Variants in CADPS2 observed in about 807,000 individuals in gnomAD.
CADPS2 encodes calcium dependent secretion activator 2.
In CADPS2, 93 loss-of-function variants were observed where a neutral mutation model predicts 172.5. The ratio of observed to expected loss-of-function variants is 0.54; its 90% CI spans 0.46 to 0.64. The LOEUF is 0.64. Among genes scored for constraint, CADPS2 ranks in the 30% least tolerant of loss-of-function variants. The pLI, the probability that CADPS2 is intolerant of heterozygous loss-of-function variation, is 0.00. For missense variants in CADPS2, 1,420 were observed against 1,565.9 expected (o/e 0.91, Z 1.57); for synonymous variants, 546 against 555.2 (o/e 0.98, Z 0.23).
At chr7:122,578,763 A>G (rs1017990353) in intron 7 of CADPS2, among the ~76,000 whole-genome samples, 4 of 152,196 alleles carry the variant, frequency 2.6e-5, no homozygotes, top group South Asian at 2.1e-4. Context: ...TGAAGGTCAA[A>G]TCAGAGAGAA....
chr7:122,327,892 T>C (rs1278908358), intron 28 of CADPS2, among the ~76,000 whole-genome samples: 1 of 151,904 alleles, frequency 6.6e-6, no homozygotes, highest in Admixed American at 6.6e-5. Flanking sequence ...GACAATAAAT[T>C]GTTCTATCAG....
At chr7:122,367,261 G>A (rs550615005) in intron 25 of CADPS2, among the ~76,000 whole-genome samples, 2 of 152,172 alleles carry the variant, frequency 1.3e-5, no homozygotes, top group African/African-American at 4.8e-5. Flanking sequence ...GAGAAATCCA[G>A]GGGAAAATAT....
chr7:122,450,259 G>A lies in CADPS2; in HGVS notation c.2288+1115C>T, dbSNP rs551909793. 2.6e-5 allele frequency among the ~76,000 whole-genome samples: 4 copies of A among 152,056 alleles called. No individual in the cohort carries two copies. The East Asian group carries it at 7.7e-4, about 29-fold the overall frequency. On this transcript the variant is annotated intron_variant, in intron 15 of 29. Coordinates refer to ENST00000449022, the MANE Select transcript of CADPS2 (RefSeq NM_017954.11). ...TATTTTTTAAATAAGTGCAAAATAA[G>A]AGCATATTCACTAAGTTTATTTTTT...
intron 28 of CADPS2, among the ~76,000 whole-genome samples, chr7:122,327,258 A>T (rs1473669940): frequency 6.6e-6 from 1 of 152,066 alleles, no homozygotes; most frequent in African/African-American, 2.4e-5. Context: ...TACAGCTTCA[A>T]CTTCTTGATT....
At chr7:122,466,527 T>C (rs747588321) in intron 14 of CADPS2, among the ~76,000 whole-genome samples, 1 of 152,182 alleles carries the variant, frequency 6.6e-6, no homozygotes, top group South Asian at 2.1e-4. Context: ...GACTCAGTGC[T>C]CTTCCAGTCT....
At chr7:122,768,268 C>T (rs1270181552) in intron 1 of CADPS2, among the ~76,000 whole-genome samples, 3 of 152,110 alleles carry the variant, frequency 2.0e-5, no homozygotes, top group Non-Finnish European at 4.4e-5. Flanking sequence ...CTAATTGCTA[C>T]TTTAGAATGG....
intron 8 of CADPS2, among the ~76,000 whole-genome samples, chr7:122,547,458 A>T (rs2063742547): frequency 6.6e-6 from 1 of 152,184 alleles, no homozygotes; most frequent in South Asian, 2.1e-4. Flanking sequence ...ATATCCAAAC[A>T]ATCAGTCCAC....
chr7:122,619,474 A>T (rs1188350667), intron 5 of CADPS2, among the ~76,000 whole-genome samples: 1 of 151,798 alleles, frequency 6.6e-6, no homozygotes, highest in African/African-American at 2.4e-5. Flanking sequence ...AAAAAAAAAA[A>T]AATTTAGCCA....
chr7:122,683,058 G>A lies in CADPS2; in HGVS notation c.454-19489C>T, dbSNP rs183571907. ...CCTGTCCTCTTGGTTCTTGTCTGGC[G>A]TCCAGGAAGAATCAGGTCACATGAA... On this transcript the variant is annotated intron_variant, in intron 2 of 29. Coordinates refer to ENST00000449022, the MANE Select transcript of CADPS2 (RefSeq NM_017954.11). 1.2e-4 allele frequency among the ~76,000 whole-genome samples: 18 copies of A among 152,292 alleles called. 1 individual carries two copies. The highest frequency in any genetic ancestry group is 6.2e-4 in the South Asian group (3 of 4,828).
intron 1 of CADPS2, among the ~76,000 whole-genome samples, chr7:122,753,750 C>T (rs1464279757): frequency 6.6e-6 from 1 of 152,140 alleles, no homozygotes; most frequent in African/African-American, 2.4e-5. Context: ...AAAGCAAGCT[C>T]AGTTGTATAC....
At chr7:122,751,449 G>T (rs2092951181) in intron 1 of CADPS2, among the ~76,000 whole-genome samples, 1 of 152,144 alleles carries the variant, frequency 6.6e-6, no homozygotes, top group African/African-American at 2.4e-5. Flanking sequence ...CTGAAAGCTT[G>T]ATCTCCTTCA....
chr7:122,513,175 A>T, intron 9 of CADPS2, 74 bp downstream of exon 9: 1 of 939,046 alleles, frequency 1.1e-6, no homozygotes. Context: ...AAATTTTGAT[A>T]GATATAACCC....
intron 1 of CADPS2, among the ~76,000 whole-genome samples, chr7:122,832,025 T>C (rs908215884): frequency 3.3e-5 from 5 of 152,208 alleles, no homozygotes; most frequent in African/African-American, 1.2e-4. Context: ...ATGGTTTATG[T>C]ACATGTATAT....
intron 1 of CADPS2, among the ~76,000 whole-genome samples, chr7:122,794,751 T>C (rs1164810974): frequency 6.8e-6 from 1 of 146,682 alleles, no homozygotes; most frequent in Admixed American, 6.8e-5. Context: ...TGAAATCATT[T>C]TAAAAAAAAA....
intron 27 of CADPS2, among the ~76,000 whole-genome samples, chr7:122,348,987 C>T (rs1433543068): frequency 3.3e-5 from 5 of 152,000 alleles, no homozygotes; most frequent in Admixed American, 2.0e-4. Flanking sequence ...ATTTACACAC[C>T]GAAAGTCACT....
At chr7:122,361,907 C>A (rs1010818366) in intron 25 of CADPS2, among the ~76,000 whole-genome samples, 1 of 151,868 alleles carries the variant, frequency 6.6e-6, no homozygotes, top group Non-Finnish European at 1.5e-5. Context: ...AACCCCGTCT[C>A]TACTAAAAGT....
At chr7:122,674,026 GC>G in intron 2 of CADPS2, among the ~76,000 whole-genome samples, 1 of 152,174 alleles carries the variant, frequency 6.6e-6, no homozygotes, top group East Asian at 1.9e-4. Flanking sequence ...GGGCGGGCTG[GC>G]AGTACTGGGG....
chr7:122,834,957 T>A (rs965712262), intron 1 of CADPS2, among the ~76,000 whole-genome samples: 1 of 152,056 alleles, frequency 6.6e-6, no homozygotes, highest in South Asian at 2.1e-4. Context: ...AGCACAGAGT[T>A]TGAGAACTGA....
chr7:122,842,143 G>A (rs1810715660), intron 1 of CADPS2, among the ~76,000 whole-genome samples: 1 of 152,172 alleles, frequency 6.6e-6, no homozygotes, highest in Non-Finnish European at 1.5e-5. Flanking sequence ...CAGGAACACG[G>A]CCCACTTCAG....
Sources: gnomAD v4.1 joint callset for allele counts (sites outside exome capture counted in the v4.1 genomes callset) on GRCh38, gnomAD v4.1.1 for gene constraint, MANE v1.5 for transcripts, NCBI Gene and HGNC (gene_info 2026-07-23, HGNC 2026-07-21) for gene names.